The following PCDHA8 variants were observed in gnomAD, a reference collection of about 807,000 sequenced individuals.
PCDHA8 encodes protocadherin alpha 8.
Under a neutral mutation model 61.8 loss-of-function variants are expected in PCDHA8, and 53 were observed. The ratio of observed to expected loss-of-function variants is 0.86; its 90% CI spans 0.69 to 1.08. The LOEUF is 1.08. Ranked by LOEUF, PCDHA8 falls within the 50% of genes least tolerant of loss-of-function variation. The pLI, the probability that PCDHA8 is intolerant of heterozygous loss-of-function variation, is 0.00. For synonymous variants in PCDHA8, 618 were observed against 556.6 expected, an observed-to-expected ratio of 1.11 and a Z score of -1.55; for missense variants, 1,293 against 1,245.0, an observed-to-expected ratio of 1.04 and a Z score of -0.58.
rs550398364 is a variant in PCDHA8, at chr5:140,897,290, G to A, written c.2394+53575G>A. Among the ~76,000 whole-genome samples the A allele has an allele frequency of 1.2e-4, 18 of 150,778 alleles. No homozygotes were observed. In the East Asian group the frequency reaches 1.4e-3, roughly 11 times the overall value. On this transcript the variant is annotated intron_variant, in intron 1 of 3. Coordinates refer to ENST00000531613, the MANE Select transcript of PCDHA8 (RefSeq NM_018911.3). ...GCTGGTGTGCTGCACCCATTAACTC[G>A]TCATTTAGCATTAGGTATATCTCCT...
intron 1 of PCDHA8, among the ~76,000 whole-genome samples, chr5:140,958,973 ATTAG>A (rs2095457294): frequency 1.3e-5 from 2 of 152,038 alleles, no homozygotes; most frequent in African/African-American, 2.4e-5. Flanking sequence ...CTATTTTATT[ATTAG>A]TTATTGTTGC....
At chr5:141,000,757 C>A (rs1236279352) in intron 3 of PCDHA8, among the ~76,000 whole-genome samples, 1 of 151,158 alleles carries the variant, frequency 6.6e-6, no homozygotes, top group Non-Finnish European at 1.5e-5. Flanking sequence ...AAAAAAAAAT[C>A]TTAGCCAGGC....
At chr5:140,871,192 G>GTGTACC (rs1171954428) in intron 1 of PCDHA8, 40 of 1,613,550 alleles carry the variant, frequency 2.5e-5, no homozygotes, top group Non-Finnish European at 3.1e-5. Context: ...GGATGTCAAC[G>GTGTACC]TGTACCTGAT....
At chr5:140,927,891 GA>G (rs1554205193) in intron 1 of PCDHA8, 1 of 1,614,192 alleles carries the variant, frequency 6.2e-7, no homozygotes, top group Admixed American at 1.7e-5. Context: ...TGACTGACGT[GA>G]ACGATCATGC....
chr5:140,925,498 A>G (rs1268906717), intron 1 of PCDHA8, among the ~76,000 whole-genome samples: 1 of 152,124 alleles, frequency 6.6e-6, no homozygotes, highest in East Asian at 1.9e-4. Flanking sequence ...CACTGTCCCA[A>G]TATCCACGCA....
At chr5:140,941,406 T>C (rs1381146519) in intron 1 of PCDHA8, among the ~76,000 whole-genome samples, 1 of 146,240 alleles carries the variant, frequency 6.8e-6, no homozygotes, top group Non-Finnish European at 1.5e-5. Context: ...AACCTCCGCC[T>C]CCCGGGTTCA....
chr5:140,862,679 TG>T, intron 1 of PCDHA8: 1 of 551,310 alleles, frequency 1.8e-6, no homozygotes, highest in Non-Finnish European at 3.6e-6. Flanking sequence ...GAGAACGTGC[TG>T]GTGTCCTACT....
intron 3 of PCDHA8, among the ~76,000 whole-genome samples, chr5:140,997,683 T>C (rs782444752): frequency 6.6e-6 from 1 of 152,044 alleles, no homozygotes; most frequent in Non-Finnish European, 1.5e-5. Context: ...TGTGTGTGTG[T>C]GTGTGTGTGT....
At chr5:140,874,406 C>T (rs1399717105) in intron 1 of PCDHA8, among the ~76,000 whole-genome samples, 2 of 152,122 alleles carry the variant, frequency 1.3e-5, no homozygotes, top group Non-Finnish European at 2.9e-5. Flanking sequence ...ATAACAGTCA[C>T]CATTCTGATT....
chr5:140,866,563 G>A (rs1163893808), intron 1 of PCDHA8: 31 of 152,118 alleles, frequency 2.0e-4, no homozygotes, highest in Admixed American at 2.0e-3. Flanking sequence ...CTATAATTTT[G>A]TTAATACAGT....
At position 141,012,226 on chromosome 5, in the gene PCDHA8, A is replaced by G. The variant is rs1021307000; in HGVS notation, c.*2289A>G. Reference sequence around the variant, plus strand: ...TTTTACATTTGCGAAGTGCTTTCCAATCCATGTTAGTTACTAGTTATTACA... The same window carrying G: ...TTTTACATTTGCGAAGTGCTTTCCAGTCCATGTTAGTTACTAGTTATTACA... On this transcript the variant is annotated 3_prime_UTR_variant, in exon 4 of 4. Transcript: ENST00000531613. The G allele has an allele frequency of 2.6e-5, 4 of 153,758 alleles. No individual in the cohort carries two copies. Among genetic ancestry groups the G allele is most frequent in the African/African-American group, 9.7e-5 (4 of 41,442 alleles). 9.5% of individuals were successfully genotyped at this position (153,758 alleles called of 1,614,324 possible). A position where few individuals can be genotyped will look rare whatever the true frequency, so the allele number is the denominator to read the frequency against.
intron 1 of PCDHA8, chr5:140,852,646 A>G (rs1554146012): frequency 1.0e-6 from 1 of 958,708 alleles, no homozygotes; most frequent in Admixed American, 6.4e-5. Context: ...CATTAAACCT[A>G]TCTATATCTG....
chr5:140,929,736 T>A, intron 1 of PCDHA8: 1 of 201,874 alleles, frequency 5.0e-6, no homozygotes, highest in Non-Finnish European at 1.1e-5. Context: ...CTTAAACTAT[T>A]GCAATGCATT....
At chr5:140,969,224 T>A (rs782172299) in intron 1 of PCDHA8, 1 of 1,614,100 alleles carries the variant, frequency 6.2e-7, no homozygotes, top group East Asian at 2.2e-5. Context: ...ACCAGGGCCT[T>A]CGGGAGCCCA....
chr5:141,010,146 C>T lies in PCDHA8; in HGVS notation c.*209C>T. 2 of 1,584,410 alleles carry T rather than the reference C, an allele frequency of 1.3e-6. No homozygotes were observed. Among genetic ancestry groups the T allele is most frequent in the Non-Finnish European group, 1.7e-6 (2 of 1,164,258 alleles). On this transcript the variant is annotated 3_prime_UTR_variant, in exon 4 of 4. Coordinates refer to ENST00000531613, the MANE Select transcript of PCDHA8 (RefSeq NM_018911.3). ...TAAGTCTGGTGTTAACTCTTTCTCTCCACTCTGGCTTGTTTTCAGAACCTA... is the reference window on the plus strand; with the variant it reads ...TAAGTCTGGTGTTAACTCTTTCTCTTCACTCTGGCTTGTTTTCAGAACCTA...
chr5:140,984,392 G>C (rs914978799), intron 3 of PCDHA8, among the ~76,000 whole-genome samples: 1 of 152,156 alleles, frequency 6.6e-6, no homozygotes, highest in South Asian at 2.1e-4. Context: ...TTCAAAAAAT[G>C]TTGAGAACCT....
At chr5:140,926,749 G>C (rs541261946) in intron 1 of PCDHA8, 4 of 1,237,260 alleles carry the variant, frequency 3.2e-6, no homozygotes, top group Non-Finnish European at 3.1e-6. Context: ...CAACGTCGGC[G>C]GTCGCTGAGT....
chr5:140,905,593 G>C (rs781937038), intron 1 of PCDHA8, among the ~76,000 whole-genome samples: 1 of 152,072 alleles, frequency 6.6e-6, no homozygotes, highest in Non-Finnish European at 1.5e-5. Context: ...TATTTTGCTG[G>C]GAATTGCATT....
intron 1 of PCDHA8, chr5:140,966,328 C>T: frequency 5.1e-6 from 2 of 392,484 alleles, no homozygotes; most frequent in Non-Finnish European, 9.0e-6. Context: ...CGCTGGGATC[C>T]GGCAGGTCCA....
Sources: gnomAD v4.1 joint callset for allele counts (sites outside exome capture counted in the v4.1 genomes callset) on GRCh38, gnomAD v4.1.1 for gene constraint, MANE v1.5 for transcripts, NCBI Gene and HGNC (gene_info 2026-07-23, HGNC 2026-07-21) for gene names.